The following SCFD2 variants were observed in gnomAD, a reference collection of about 807,000 sequenced individuals.
The protein encoded by SCFD2 is sec1 family domain-containing protein 2.
In SCFD2, 54 loss-of-function variants were observed where a neutral mutation model predicts 58.9. The ratio of observed to expected loss-of-function variants is 0.92; its 90% CI spans 0.74 to 1.15. The LOEUF (loss-of-function observed/expected upper bound fraction) is 1.15. Among genes scored for constraint, SCFD2 ranks in the 50% most tolerant of loss-of-function variants. The probability of loss-of-function intolerance (pLI) is 0.00; values close to 1 mark genes in which losing one functional copy is unlikely to be tolerated. For synonymous variants in SCFD2, 321 were observed against 335.9 expected (o/e 0.96, Z 0.49); for missense variants, 805 against 836.6 (o/e 0.96, Z 0.47).
chr4:52,884,413 G>T (rs533389505), intron 8 of SCFD2, among the ~76,000 whole-genome samples: 1 of 147,142 alleles, frequency 6.8e-6, no homozygotes, highest in African/African-American at 2.5e-5. Context: ...CTGGGAGGAT[G>T]AGAGTGGAAG....
intron 4 of SCFD2, among the ~76,000 whole-genome samples, chr4:53,256,144 C>T (rs1214885157): frequency 8.6e-5 from 13 of 151,002 alleles, no homozygotes; most frequent in Non-Finnish European, 1.6e-4. Context: ...GGCTGCCGGA[C>T]GGAGGGGCTC....
intron 5 of SCFD2, among the ~76,000 whole-genome samples, chr4:53,127,727 C>G (rs978346836): frequency 1.8e-4 from 28 of 152,036 alleles, no homozygotes; most frequent in Non-Finnish European, 3.4e-4. Flanking sequence ...TAAGGAACTG[C>G]AAGGCCTGTG....
chr4:53,084,130 G>GTTCT (rs1724232710), intron 5 of SCFD2, among the ~76,000 whole-genome samples: 1 of 152,110 alleles, frequency 6.6e-6, no homozygotes, highest in South Asian at 2.1e-4. Context: ...AAGCCTGAGG[G>GTTCT]TTCTGCTGCA....
At chr4:53,226,286 A>G (rs945999100) in intron 4 of SCFD2, among the ~76,000 whole-genome samples, 2 of 152,152 alleles carry the variant, frequency 1.3e-5, no homozygotes, top group Admixed American at 6.6e-5. Flanking sequence ...ATACAACATT[A>G]TTGGTAATTA....
chr4:52,960,371 T>C (rs995876703), intron 5 of SCFD2, among the ~76,000 whole-genome samples: 27 of 147,692 alleles, frequency 1.8e-4, no homozygotes, highest in African/African-American at 4.7e-4. Flanking sequence ...TCTTCTTCTT[T>C]TTTTTTTTTT....
chr4:53,230,934 T>C (rs1223213167), intron 4 of SCFD2, among the ~76,000 whole-genome samples: 2 of 152,144 alleles, frequency 1.3e-5, no homozygotes, highest in African/African-American at 4.8e-5. Context: ...TACACTGTAT[T>C]GTATGCTTCT....
At chr4:53,321,643 G>A (rs1461750427) in intron 2 of SCFD2, among the ~76,000 whole-genome samples, 1 of 152,072 alleles carries the variant, frequency 6.6e-6, no homozygotes. Context: ...AGGGAATAAT[G>A]GCTTCCATGA....
At chr4:53,055,521 G>C (rs1723313131) in intron 5 of SCFD2, among the ~76,000 whole-genome samples, 1 of 152,198 alleles carries the variant, frequency 6.6e-6, no homozygotes, top group Non-Finnish European at 1.5e-5. Context: ...ATATGAAGCT[G>C]TGTGGTGATT....
chr4:52,914,611 G>A (rs1429729450), intron 6 of SCFD2, among the ~76,000 whole-genome samples: 1 of 152,098 alleles, frequency 6.6e-6, no homozygotes, highest in African/African-American at 2.4e-5. Context: ...CATGACCACA[G>A]AGCTGACTTA....
chr4:53,056,634 G>A (rs1723348874), intron 5 of SCFD2, among the ~76,000 whole-genome samples: 1 of 151,990 alleles, frequency 6.6e-6, no homozygotes, highest in African/African-American at 2.4e-5. Flanking sequence ...CTTCATTCTA[G>A]AGATAGATTT....
At chr4:52,940,646 G>A (rs1326829655) in intron 5 of SCFD2, among the ~76,000 whole-genome samples, 1 of 152,134 alleles carries the variant, frequency 6.6e-6, no homozygotes, top group African/African-American at 2.4e-5. Context: ...TCGTAAGTTC[G>A]GATTTCAGAA....
chr4:53,216,501 A>G (rs1362370914), intron 4 of SCFD2, among the ~76,000 whole-genome samples: 7 of 152,110 alleles, frequency 4.6e-5, no homozygotes, highest in Non-Finnish European at 1.0e-4. Context: ...TATCCCCTTT[A>G]TCATTTTTTA....
chr4:53,267,645 TTCACAGGCCACTGCAGCC>T (rs1315442293), intron 4 of SCFD2, among the ~76,000 whole-genome samples: 2 of 152,180 alleles, frequency 1.3e-5, no homozygotes, highest in Admixed American at 1.3e-4. Context: ...GCAGTGGCTA[TTCACAGGCCACTGCAGCC>T]TCAAACTCCT....
At chr4:53,037,014 T>A (rs1722781104) in intron 5 of SCFD2, among the ~76,000 whole-genome samples, 1 of 152,148 alleles carries the variant, frequency 6.6e-6, no homozygotes, top group Admixed American at 6.6e-5. Flanking sequence ...CAGTTCTGTA[T>A]CCGAATTGTG....
intron 3 of SCFD2, among the ~76,000 whole-genome samples, chr4:53,280,267 G>A (rs973779095): frequency 4.6e-5 from 7 of 152,144 alleles, no homozygotes; most frequent in South Asian, 4.1e-4. Context: ...TGTAATCCCA[G>A]CACTTTGGGA....
At chr4:52,895,116 G>C (rs1718969557) in intron 7 of SCFD2, among the ~76,000 whole-genome samples, 1 of 152,078 alleles carries the variant, frequency 6.6e-6, no homozygotes, top group South Asian at 2.1e-4. Context: ...GTGGGGTACA[G>C]ATTGTATTTT....
At chr4:52,944,968 G>A (rs946632216) in intron 5 of SCFD2, among the ~76,000 whole-genome samples, 5 of 152,102 alleles carry the variant, frequency 3.3e-5, no homozygotes, top group African/African-American at 7.2e-5. Flanking sequence ...TTAATAATAT[G>A]GAGTAATATG....
In SCFD2 at chr4:53,230,540, C is replaced by T. The variant is rs562215334; in HGVS notation, c.1311+43286G>A. 2.0e-5 allele frequency among the ~76,000 whole-genome samples: 3 copies of T among 147,254 alleles called. No individual in the cohort carries two copies. The South Asian group carries it at 6.4e-4, about 32-fold the overall frequency. On this transcript the variant is annotated intron_variant, in intron 4 of 8. Coordinates refer to ENST00000401642, the MANE Select transcript of SCFD2 (RefSeq NM_152540.4). Reference sequence around the variant, plus strand: ...CGCAAGGACAAAAAACCAAACACCGCATGTTCTCACTCATAGGTGGGAATT... The same window carrying T: ...CGCAAGGACAAAAAACCAAACACCGTATGTTCTCACTCATAGGTGGGAATT...
At chr4:53,236,824 A>T (rs1399325304) in intron 4 of SCFD2, among the ~76,000 whole-genome samples, 42 of 135,870 alleles carry the variant, frequency 3.1e-4, no homozygotes, top group South Asian at 1.9e-3. Flanking sequence ...TTATTTATTT[A>T]TTTATTTATT....
Sources: allele counts gnomAD v4.1 joint callset (sites outside exome capture counted in the v4.1 genomes callset), GRCh38; gene constraint gnomAD v4.1.1; transcripts MANE v1.5; gene names NCBI Gene and HGNC (gene_info 2026-07-23, HGNC 2026-07-21).